Variants in CMBL observed in about 807,000 individuals in gnomAD.
CMBL encodes carboxymethylenebutenolidase homolog.
CMBL carries 17 observed loss-of-function variants against 28.7 expected under a neutral mutation model. The ratio of observed to expected loss-of-function variants is 0.59; its 90% CI spans 0.41 to 0.89. The LOEUF is 0.89. Ranked by LOEUF, CMBL falls within the 40% of genes least tolerant of loss-of-function variation. The probability of loss-of-function intolerance (pLI) is 0.00; values close to 1 mark genes in which losing one functional copy is unlikely to be tolerated. For synonymous variants in CMBL, 106 were observed against 101.6 expected, an observed-to-expected ratio of 1.04 and a Z score of -0.26; for missense variants, 310 against 298.5, an observed-to-expected ratio of 1.04 and a Z score of -0.28.
intron 1 of CMBL, among the ~76,000 whole-genome samples, chr5:10,304,767 A>G (rs1001327409): frequency 1.3e-5 from 2 of 152,126 alleles, no homozygotes; most frequent in Non-Finnish European, 2.9e-5. Flanking sequence ...AGCCTAGACA[A>G]CATGTTTTTT....
intron 4 of CMBL, 177 bp downstream of exon 4, chr5:10,286,177 G>T: frequency 1.6e-6 from 1 of 606,984 alleles, no homozygotes; most frequent in East Asian, 3.0e-5. Context: ...ACATCCTCTG[G>T]TTAACTGCAT....
intron 4 of CMBL, 105 bp downstream of exon 4, chr5:10,286,249 C>G (rs1050963195): frequency 1.7e-6 from 2 of 1,145,206 alleles, no homozygotes; most frequent in African/African-American, 3.1e-5. Context: ...GGGCAGTCTT[C>G]ACATTATTGG....
intron 1 of CMBL, among the ~76,000 whole-genome samples, chr5:10,297,672 G>T (rs1195453754): frequency 6.6e-6 from 1 of 151,250 alleles, no homozygotes. Context: ...CAGCCTATTT[G>T]TACGTGGATG....
intron 4 of CMBL, among the ~76,000 whole-genome samples, chr5:10,283,241 C>A (rs1367843617): frequency 6.6e-6 from 1 of 152,164 alleles, no homozygotes; most frequent in African/African-American, 2.4e-5. Context: ...TGGAAAGATG[C>A]GGAGCAGCCT....
intron 2 of CMBL, among the ~76,000 whole-genome samples, chr5:10,290,136 G>A (rs182253160): frequency 1.3e-5 from 2 of 152,214 alleles, no homozygotes; most frequent in Non-Finnish European, 2.9e-5. Flanking sequence ...GGACCAGGAG[G>A]AGCCTTGGAC....
At chr5:10,282,163 T>C in intron 5 of CMBL, 34 bp downstream of exon 5, 5 of 1,444,784 alleles carry the variant, frequency 3.5e-6, no homozygotes, top group Non-Finnish European at 4.9e-6. Context: ...CCATCTCAAA[T>C]AAATAAATAC....
intron 2 of CMBL, among the ~76,000 whole-genome samples, chr5:10,288,934 C>A (rs1192838701): frequency 2.6e-5 from 4 of 152,198 alleles, no homozygotes; most frequent in African/African-American, 9.6e-5. Context: ...GGCCAGAGGG[C>A]ACACCTGGCT....
Position 10,288,434 on chromosome 5 carries a change from T to C in CMBL, c.311A>G (p.Gln104Arg), listed in dbSNP as rs1302997309. The C allele has an allele frequency of 1.2e-6, 2 of 1,613,308 alleles. No homozygotes were observed. The highest frequency in any genetic ancestry group is 1.1e-5 in the South Asian group (1 of 91,078). Residue 104 changes from glutamine to arginine, a missense_variant, in exon 3 of 6, where the codon CAG becomes CGG. Coordinates refer to ENST00000296658, the MANE Select transcript of CMBL (RefSeq NM_138809.4). ...GCGGATAACTCACCTATCGATCTTCTGGGCATTTCTTGTTTTCAGCCACTC... is the reference window on the plus strand; with the variant it reads ...GCGGATAACTCACCTATCGATCTTCCGGGCATTTCTTGTTTTCAGCCACTC... ...FPEWLKTRNA[Q>R]KIDREISAIL...
Position 10,289,486 on chromosome 5 carries a change from C to T in CMBL, c.216-957G>A, listed in dbSNP as rs1347741625. ...AATGCCATTTGATCGGCTGCTTGGG[C>T]CAGTGATCTGGGGCAGCCGCAAAGC... On this transcript the variant is annotated intron_variant, in intron 2 of 5. Coordinates refer to ENST00000296658, the MANE Select transcript of CMBL (RefSeq NM_138809.4). The surrounding 1 kb of genome is among the most constrained non-coding windows in gnomAD (Gnocchi z 4.3). Among the ~76,000 whole-genome samples, 4 of 152,192 alleles carry T rather than the reference C, an allele frequency of 2.6e-5. No homozygotes were observed. Among genetic ancestry groups the T allele is most frequent in the African/African-American group, 9.6e-5 (4 of 41,464 alleles).
At chr5:10,297,547 C>T (rs933440516) in intron 1 of CMBL, among the ~76,000 whole-genome samples, 1 of 109,000 alleles carries the variant, frequency 9.2e-6, no homozygotes, top group South Asian at 2.8e-4. Context: ...CCAGCCCGGA[C>T]AAGAAGATCG....
At chr5:10,288,852 G>A (rs1746654226) in intron 2 of CMBL, among the ~76,000 whole-genome samples, 1 of 152,190 alleles carries the variant, frequency 6.6e-6, no homozygotes, top group African/African-American at 2.4e-5. Flanking sequence ...GCCTGACGTG[G>A]GTGGCTTTGA....
intron 4 of CMBL, among the ~76,000 whole-genome samples, chr5:10,283,804 T>C (rs1746547722): frequency 6.6e-6 from 1 of 152,208 alleles, no homozygotes; most frequent in Non-Finnish European, 1.5e-5. Context: ...ATCTCAGCAT[T>C]CATTCGAGAT....
At chr5:10,296,798 C>T (rs979965426) in intron 1 of CMBL, among the ~76,000 whole-genome samples, 5 of 152,128 alleles carry the variant, frequency 3.3e-5, no homozygotes, top group Non-Finnish European at 7.4e-5. Context: ...TGTTGCCCTC[C>T]GCGTTTGGCA....
intron 1 of CMBL, among the ~76,000 whole-genome samples, chr5:10,305,519 G>A (rs534569823): frequency 1.3e-5 from 2 of 150,554 alleles, no homozygotes; most frequent in South Asian, 2.2e-4. Flanking sequence ...ATGTCCCTCT[G>A]GAAAATTACA....
chr5:10,304,120 G>A (rs1327050203), intron 1 of CMBL, among the ~76,000 whole-genome samples: 6 of 152,024 alleles, frequency 3.9e-5, no homozygotes, highest in Admixed American at 6.6e-5. Flanking sequence ...CAACACTTTG[G>A]GAGGCCAAGA....
chr5:10,306,615 TAAAC>T (rs1747006070), intron 1 of CMBL, among the ~76,000 whole-genome samples: 1 of 152,198 alleles, frequency 6.6e-6, no homozygotes, highest in African/African-American at 2.4e-5. Context: ...CTTTACTGCT[TAAAC>T]ATTGTAGGAA....
chr5:10,283,699 A>G (rs1746545754), intron 4 of CMBL, among the ~76,000 whole-genome samples: 1 of 152,158 alleles, frequency 6.6e-6, no homozygotes, highest in Non-Finnish European at 1.5e-5. Context: ...CAGGAGGTGG[A>G]GGTTCAGTGA....
chr5:10,299,137 A>G (rs1216129200), intron 1 of CMBL, among the ~76,000 whole-genome samples: 1 of 152,238 alleles, frequency 6.6e-6, no homozygotes, highest in Non-Finnish European at 1.5e-5. Flanking sequence ...AAACAAAGTG[A>G]GAAAACAAGA....
At chr5:10,284,159 A>T (rs74493491) in intron 4 of CMBL, among the ~76,000 whole-genome samples, 1 of 152,174 alleles carries the variant, frequency 6.6e-6, no homozygotes, top group Non-Finnish European at 1.5e-5. Flanking sequence ...CAGCTCACGC[A>T]CTACACAACA....
Sources: gnomAD v4.1 joint callset for allele counts (sites outside exome capture counted in the v4.1 genomes callset) on GRCh38, gnomAD v4.1.1 for gene constraint, Gnocchi (gnomAD v3.1) non-coding constraint, MANE v1.5 for transcripts, NCBI Gene and HGNC (gene_info 2026-07-23, HGNC 2026-07-21) for gene names.